Variants in GUCY1A2 observed in about 807,000 individuals in gnomAD.
GUCY1A2 encodes the protein guanylate cyclase 1 soluble subunit alpha 2, also known as guanylate cyclase soluble subunit alpha-2.
Under a neutral mutation model 63.5 loss-of-function variants are expected in GUCY1A2, and 27 were observed. The ratio of observed to expected loss-of-function variants is 0.43; its 90% CI spans 0.31 to 0.59. The LOEUF is 0.59. GUCY1A2 is among the 20% of genes least tolerant of loss of function. GUCY1A2 has a pLI of 0.11. For synonymous variants in GUCY1A2, 364 were observed against 343.5 expected (o/e 1.06, Z -0.66); for missense variants, 768 against 913.3 (o/e 0.84, Z 2.05).
chr11:106,862,062 A>G (rs536705266), intron 4 of GUCY1A2, among the ~76,000 whole-genome samples: 1 of 152,026 alleles, frequency 6.6e-6, no homozygotes, highest in African/African-American at 2.4e-5. Context: ...CCCTTCGTCA[A>G]CACAGATGAC....
rs35760785 is a variant in GUCY1A2, at chr11:106,978,674, G to A, written c.432C>T (p.Asn144=). 0.087 allele frequency: 136,116 copies of A among 1,567,962 alleles called. 6,422 individuals carry two copies. The highest frequency in any genetic ancestry group is 0.12 in the South Asian group (10,754 of 89,914). Residue 144 remains asparagine, a synonymous_variant, in exon 3 of 8, where the codon AAC becomes AAT. Transcript: ENST00000526355. ...SNRCSYADHS[N]KEEIEDVSGI... ...CTGAGACATCTTCAATTTCTTCTTT[G>A]TTGGAGTGGTCTGCATAGGAGCATC... is the stretch of plus-strand genomic sequence containing the variant.
At chr11:106,818,898 T>C (rs576626293) in intron 4 of GUCY1A2, among the ~76,000 whole-genome samples, 1 of 152,122 alleles carries the variant, frequency 6.6e-6, no homozygotes, top group Admixed American at 6.6e-5. Flanking sequence ...AGATCTCTAA[T>C]TCTATGAAGG....
chr11:106,762,267 A>T (rs907216313), intron 6 of GUCY1A2, among the ~76,000 whole-genome samples: 4 of 152,112 alleles, frequency 2.6e-5, no homozygotes, highest in Non-Finnish European at 5.9e-5. Context: ...CATGGCAAAA[A>T]GTTGCAAATA....
chr11:106,788,238 T>G (rs1864599658), intron 5 of GUCY1A2, among the ~76,000 whole-genome samples: 1 of 151,998 alleles, frequency 6.6e-6, no homozygotes, highest in Admixed American at 6.6e-5. Flanking sequence ...TTATTAGATT[T>G]TTTTTTTTCC....
chr11:106,778,627 C>A (rs1864404464), intron 5 of GUCY1A2, among the ~76,000 whole-genome samples: 1 of 151,790 alleles, frequency 6.6e-6, no homozygotes, highest in African/African-American at 2.4e-5. Context: ...CGCCACTGCA[C>A]TCCAGCCTGG....
intron 3 of GUCY1A2, among the ~76,000 whole-genome samples, chr11:106,958,168 T>C (rs2120052920): frequency 6.6e-6 from 1 of 152,292 alleles, no homozygotes; most frequent in Admixed American, 6.5e-5. Context: ...TACGTATATA[T>C]TTGTTTAAAG....
intron 1 of GUCY1A2, among the ~76,000 whole-genome samples, chr11:107,011,616 AAGG>A (rs1043492742): frequency 2.7e-5 from 4 of 146,836 alleles, no homozygotes; most frequent in African/African-American, 7.4e-5. Flanking sequence ...TATATATAAA[AAGG>A]AGTATATAAT....
At position 106,710,189 on chromosome 11, in the gene GUCY1A2, AATAT is replaced by A. The variant is rs1174338469; in HGVS notation, c.1837-1527_1837-1524del. On this transcript the variant is annotated intron_variant, in intron 6 of 7. Coordinates refer to ENST00000526355, the MANE Select transcript of GUCY1A2 (RefSeq NM_000855.3). Reference sequence around the variant, plus strand: ...ATGTATATAATATAGTTATATATATAATATATAGTTATATATTATATACATGTAT... The same window carrying A: ...ATGTATATAATATAGTTATATATATAATAGTTATATATTATATACATGTAT... Among the ~76,000 whole-genome samples the A allele has an allele frequency of 6.3e-5, 4 of 63,008 alleles. 1 individual carries two copies. The highest frequency in any genetic ancestry group is 1.1e-4 in the Non-Finnish European group (4 of 37,144). 41.3% of individuals were successfully genotyped at this position (63,008 alleles called of 152,430 possible).
intron 4 of GUCY1A2, among the ~76,000 whole-genome samples, chr11:106,932,713 T>G (rs1860619632): frequency 6.6e-6 from 1 of 152,172 alleles, no homozygotes; most frequent in African/African-American, 2.4e-5. Context: ...ATTACCTGAC[T>G]TCAAACTATA....
At chr11:106,877,545 A>T (rs1425292852) in intron 4 of GUCY1A2, among the ~76,000 whole-genome samples, 1 of 152,118 alleles carries the variant, frequency 6.6e-6, no homozygotes, top group Non-Finnish European at 1.5e-5. Flanking sequence ...GTAGTTCAAC[A>T]GCTGGTACTG....
At chr11:106,950,964 T>C (rs1215229420) in intron 3 of GUCY1A2, among the ~76,000 whole-genome samples, 1 of 152,180 alleles carries the variant, frequency 6.6e-6, no homozygotes, top group Non-Finnish European at 1.5e-5. Context: ...AATGTTCAAC[T>C]CCCACTTATG....
Position 106,677,239 on chromosome 11 carries a change from A to G in GUCY1A2, c.*10310T>C, listed in dbSNP as rs1862362469. 1 of 220,394 alleles carries G rather than the reference A, an allele frequency of 4.5e-6. No homozygotes were observed. Among genetic ancestry groups the G allele is most frequent in the Non-Finnish European group, 9.1e-6 (1 of 109,534 alleles). 13.7% of individuals were successfully genotyped at this position (220,394 alleles called of 1,614,324 possible). The stretch of plus-strand genomic sequence containing the variant: ...AGGAAGATAATTCAATGGAAAAAAG[A>G]GGAGCTAAGCATGCTAACAAGTTTT... On this transcript the variant is annotated 3_prime_UTR_variant, in exon 8 of 8. Transcript: ENST00000526355.
chr11:106,891,235 C>T (rs895491594), intron 4 of GUCY1A2, among the ~76,000 whole-genome samples: 25 of 151,994 alleles, frequency 1.6e-4, no homozygotes, highest in African/African-American at 6.0e-4. Flanking sequence ...GCATCTTTTT[C>T]TATACTTTTT....
At chr11:106,729,779 C>T (rs1000648310) in intron 6 of GUCY1A2, among the ~76,000 whole-genome samples, 1 of 151,952 alleles carries the variant, frequency 6.6e-6, no homozygotes, top group African/African-American at 2.4e-5. Context: ...CAACTGCTGT[C>T]TCATTTGGAA....
intron 4 of GUCY1A2, among the ~76,000 whole-genome samples, chr11:106,883,145 T>C (rs1185944192): frequency 6.6e-6 from 1 of 152,010 alleles, no homozygotes; most frequent in East Asian, 1.9e-4. Context: ...CTGAACCACT[T>C]AAATTCATTC....
At chr11:106,700,687 G>T (rs1439247136) in intron 7 of GUCY1A2, among the ~76,000 whole-genome samples, 1 of 152,054 alleles carries the variant, frequency 6.6e-6, no homozygotes, top group African/African-American at 2.4e-5. Context: ...ATAGAGAAAA[G>T]GATAAGATGA....
chr11:106,974,823 T>C (rs1424944290), intron 3 of GUCY1A2, among the ~76,000 whole-genome samples: 2 of 151,650 alleles, frequency 1.3e-5, no homozygotes, highest in Admixed American at 6.6e-5. Flanking sequence ...ATGCACTTCC[T>C]GACTATTTTG....
chr11:106,761,763 A>C (rs1379698594), intron 6 of GUCY1A2, among the ~76,000 whole-genome samples: 1 of 152,146 alleles, frequency 6.6e-6, no homozygotes, highest in Non-Finnish European at 1.5e-5. Context: ...TAGAGCTCTG[A>C]TAAACTGTAT....
chr11:106,733,029 A>T (rs1863530195), intron 6 of GUCY1A2, among the ~76,000 whole-genome samples: 1 of 152,160 alleles, frequency 6.6e-6, no homozygotes, highest in Admixed American at 6.6e-5. Flanking sequence ...GTAATCTAAG[A>T]TTATTTGTTA....
Sources: gnomAD v4.1 joint callset for allele counts (sites outside exome capture counted in the v4.1 genomes callset) on GRCh38, gnomAD v4.1.1 for gene constraint, MANE v1.5 for transcripts, NCBI Gene and HGNC (gene_info 2026-07-23, HGNC 2026-07-21) for gene names.